The following CAPN1 variants were observed in gnomAD, a reference collection of about 807,000 sequenced individuals.
CAPN1 encodes calpain-1 catalytic subunit.
CAPN1 carries 77 observed loss-of-function variants against 105.2 expected under a neutral mutation model. The observed-to-expected ratio is 0.73, with a 90% CI of 0.61 to 0.88. The LOEUF (loss-of-function observed/expected upper bound fraction) is 0.88. Ranked by LOEUF, CAPN1 falls within the 40% of genes least tolerant of loss-of-function variation. CAPN1 has a pLI of 0.00. For missense variants in CAPN1, 833 were observed against 976.6 expected, an observed-to-expected ratio of 0.85 and a Z score of 1.96; for synonymous variants, 355 against 388.8, an observed-to-expected ratio of 0.91 and a Z score of 1.02.
At chr11:65,196,698 T>G (rs369865855) in intron 10 of CAPN1, among the ~76,000 whole-genome samples, 87 of 152,328 alleles carry the variant, frequency 5.7e-4, no homozygotes, top group African/African-American at 1.6e-3. Flanking sequence ...TAATTTCTCA[T>G]TACCATTATC....
At chr11:65,207,912 T>C in intron 14 of CAPN1, 143 bp from the exon 15 acceptor site, 1 of 462,302 alleles carries the variant, frequency 2.2e-6, no homozygotes, top group Non-Finnish European at 3.7e-6. Flanking sequence ...AAACTCCATC[T>C]CAAAAAGAAA....
At chr11:65,194,128 AT>A (rs543647420) in intron 10 of CAPN1, among the ~76,000 whole-genome samples, 102 of 145,746 alleles carry the variant, frequency 7.0e-4, no homozygotes, top group Middle Eastern at 7.0e-3. Flanking sequence ...TGCCCAACTA[AT>A]TTTTTTTTTT....
Position 65,188,045 on chromosome 11 carries a change from G to A in CAPN1, c.929+5G>A. On this transcript the variant is annotated splice_donor_5th_base_variant and intron_variant, in intron 8 of 21. Transcript: ENST00000279247. The surrounding 1 kb of genome is among the most constrained non-coding windows in gnomAD (Gnocchi z 5.5). Reference sequence around the variant, plus strand: ...GACGGGAGCCTGGAGCGACAGGTGAGGGGCAGTGGGCACTGTCTGGAGTGC... The same window carrying A: ...GACGGGAGCCTGGAGCGACAGGTGAAGGGCAGTGGGCACTGTCTGGAGTGC... 6.5e-7 allele frequency: 1 copy of A among 1,549,412 alleles called. No individual in the cohort carries two copies. The highest frequency in any genetic ancestry group is 8.7e-7 in the Non-Finnish European group (1 of 1,144,956).
chr11:65,188,403 G>T lies in CAPN1; in HGVS notation c.930-11G>T. Reference sequence around the variant, plus strand: ...TGCCCACCAGCCCTGGCAGAGCCCTGCTCCTCACAGCTCCTCAGAGTGGAA... The same window carrying T: ...TGCCCACCAGCCCTGGCAGAGCCCTTCTCCTCACAGCTCCTCAGAGTGGAA... On this transcript the variant is annotated splice_polypyrimidine_tract_variant and intron_variant, in intron 8 of 21. Coordinates refer to ENST00000279247, the MANE Select transcript of CAPN1 (RefSeq NM_005186.4). The surrounding 1 kb of genome is among the most constrained non-coding windows in gnomAD (Gnocchi z 5.5). The T allele has an allele frequency of 6.2e-7, 1 of 1,606,066 alleles. No individual in the cohort carries two copies. Among genetic ancestry groups the T allele is most frequent in the South Asian group, 1.1e-5 (1 of 89,612 alleles).
chr11:65,210,740 G>A lies in CAPN1; in HGVS notation c.2060-74G>A, dbSNP rs1183576231. 4.1e-6 allele frequency: 5 copies of A among 1,216,618 alleles called. No homozygotes were observed. The highest frequency in any genetic ancestry group is 6.1e-6 in the Non-Finnish European group (5 of 818,012). 75.4% of individuals were successfully genotyped at this position (1,216,618 alleles called of 1,614,324 possible). ...GAGGTAGAGAGGGACCAGGCAGGAA[G>A]GGGGCCAGGCCTGGCCCTGCGTGAA... is the stretch of plus-strand genomic sequence containing the variant. On this transcript the variant is annotated intron_variant, in intron 20 of 21. Transcript: ENST00000279247. This position sits in a 1 kb window ranked among gnomAD's most constrained non-coding sequence, Gnocchi z 4.3.
chr11:65,195,120 T>G (rs1333998318), intron 10 of CAPN1, among the ~76,000 whole-genome samples: 13 of 147,854 alleles, frequency 8.8e-5, no homozygotes, highest in Non-Finnish European at 1.6e-4. Context: ...TTTTTTTTTT[T>G]TTTTTTTGAG....
chr11:65,210,273 C>G lies in CAPN1; in HGVS notation c.1943-63C>G. ...CCAGCCCCCTCCTGGGGACCCAACCCCTCCCCCATCCTGTTGGGCAGGGGC... is the reference window on the plus strand; with the variant it reads ...CCAGCCCCCTCCTGGGGACCCAACCGCTCCCCCATCCTGTTGGGCAGGGGC... On this transcript the variant is annotated intron_variant, in intron 19 of 21. Transcript: ENST00000279247. The surrounding 1 kb of genome is among the most constrained non-coding windows in gnomAD (Gnocchi z 4.3). 7.7e-7 allele frequency: 1 copy of G among 1,298,184 alleles called. No individual in the cohort carries two copies. The highest frequency in any genetic ancestry group is 1.1e-6 in the Non-Finnish European group (1 of 906,844). 80.4% of individuals were successfully genotyped at this position (1,298,184 alleles called of 1,614,324 possible).
chr11:65,186,538 C>T (rs1416314554), intron 6 of CAPN1, among the ~76,000 whole-genome samples, 200 bp downstream of exon 6: 7 of 152,072 alleles, frequency 4.6e-5, no homozygotes, highest in Non-Finnish European at 7.4e-5. Flanking sequence ...ACCCACTCCT[C>T]CCCCAAAACT....
chr11:65,182,988 G>T lies in CAPN1; in HGVS notation c.267+20G>T. ...CCCACGGTGAGAGGGGCCATCCTGG[G>T]TGGGACTCGGCTAAGCCAGATCCTG... is the stretch of plus-strand genomic sequence containing the variant. On this transcript the variant is annotated intron_variant, in intron 2 of 21. Transcript: ENST00000279247. The T allele has an allele frequency of 2.5e-6, 4 of 1,612,984 alleles. No homozygotes were observed. Among genetic ancestry groups the T allele is most frequent in the Non-Finnish European group, 3.4e-6 (4 of 1,179,468 alleles).
At chr11:65,196,822 G>A (rs1379471780) in intron 10 of CAPN1, among the ~76,000 whole-genome samples, 1 of 152,094 alleles carries the variant, frequency 6.6e-6, no homozygotes, top group Non-Finnish European at 1.5e-5. Flanking sequence ...TCATAGCTTT[G>A]AAGTGAACAG....
At position 65,205,695 on chromosome 11, in the gene CAPN1, G is replaced by C. The variant is rs376150592; in HGVS notation, c.1342-15G>C. On this transcript the variant is annotated splice_polypyrimidine_tract_variant and intron_variant, in intron 11 of 21. Transcript: ENST00000279247. ...CAAACACACATCTCTGACTTCCCCT[G>C]TCTCTCTATTGCAGGTCCCTCCGGA... 541 of 1,613,364 alleles carry C rather than the reference G, an allele frequency of 3.4e-4. No homozygotes were observed. The highest frequency in any genetic ancestry group is 1.8e-3 in the Middle Eastern group (11 of 6,078).
At position 65,210,896 on chromosome 11, in the gene CAPN1, G is replaced by T; in HGVS notation, c.2118+24G>T. Reference sequence around the variant, plus strand: ...AGGTGGGAACCTCCCTGGGCCCATGGTTGGGGAAGAGTTCCAGGCGATCGA... The same window carrying T: ...AGGTGGGAACCTCCCTGGGCCCATGTTTGGGGAAGAGTTCCAGGCGATCGA... On this transcript the variant is annotated intron_variant, in intron 21 of 21. Transcript: ENST00000279247. The surrounding 1 kb of genome is among the most constrained non-coding windows in gnomAD (Gnocchi z 4.3). 1 of 1,589,494 alleles carries T rather than the reference G, an allele frequency of 6.3e-7. No individual in the cohort carries two copies. The highest frequency in any genetic ancestry group is 1.1e-5 in the South Asian group (1 of 90,562).
At chr11:65,190,940 A>G (rs1948711753) in intron 10 of CAPN1, among the ~76,000 whole-genome samples, 2 of 151,998 alleles carry the variant, frequency 1.3e-5, no homozygotes, top group Admixed American at 1.3e-4. Flanking sequence ...TTCAAACTCA[A>G]GTGATCCACC....
rs372452064 is a variant in CAPN1 at position 65,210,301 on chromosome 11, C to T, written c.1943-35C>T. 284 of 1,466,280 alleles carry T rather than the reference C, an allele frequency of 1.9e-4. No homozygotes were observed. The highest frequency in any genetic ancestry group is 6.9e-4 in the Middle Eastern group (4 of 5,764). 90.8% of individuals were successfully genotyped at this position (1,466,280 alleles called of 1,614,324 possible). A position where few individuals can be genotyped will look rare whatever the true frequency, so the allele number is the denominator to read the frequency against. ...CCCCCATCCTGTTGGGCAGGGGCTG[C>T]GCCTCACTGACCTTCACTCACTCTC... is the stretch of plus-strand genomic sequence containing the variant. On this transcript the variant is annotated intron_variant, in intron 19 of 21. Coordinates refer to ENST00000279247, the MANE Select transcript of CAPN1 (RefSeq NM_005186.4). This position sits in a 1 kb window ranked among gnomAD's most constrained non-coding sequence, Gnocchi z 4.3.
At chr11:65,206,732 C>G (rs969081973) in intron 13 of CAPN1, 48 bp from the exon 14 acceptor site, 6 of 1,611,250 alleles carry the variant, frequency 3.7e-6, no homozygotes, top group Middle Eastern at 1.7e-4. Context: ...CTCTCAGGCC[C>G]TCTGCTGTCC....
intron 10 of CAPN1, among the ~76,000 whole-genome samples, chr11:65,199,631 T>G (rs1948839381): frequency 6.6e-6 from 1 of 152,214 alleles, no homozygotes; most frequent in South Asian, 2.1e-4. Context: ...TGTCTCTGGA[T>G]TGCATTCTGG....
intron 10 of CAPN1, among the ~76,000 whole-genome samples, chr11:65,193,307 T>C (rs901471043): frequency 6.6e-6 from 1 of 152,050 alleles, no homozygotes; most frequent in Non-Finnish European, 1.5e-5. Flanking sequence ...ATGTCTCGTG[T>C]ATAATAATGT....
At chr11:65,198,866 G>C (rs902045998) in intron 10 of CAPN1, among the ~76,000 whole-genome samples, 1 of 152,102 alleles carries the variant, frequency 6.6e-6, no homozygotes, top group African/African-American at 2.4e-5. Flanking sequence ...ACGGAGTCGC[G>C]CTCTGTCGCC....
intron 4 of CAPN1, among the ~76,000 whole-genome samples, chr11:65,184,297 A>G (rs1948599068): frequency 6.6e-6 from 1 of 152,040 alleles, no homozygotes; most frequent in African/African-American, 2.4e-5. Flanking sequence ...CAGGGTGCGG[A>G]ACCCACAGTG....
Sources: allele counts gnomAD v4.1 joint callset (sites outside exome capture counted in the v4.1 genomes callset), GRCh38; gene constraint gnomAD v4.1.1; non-coding constraint Gnocchi (gnomAD v3.1); transcripts MANE v1.5; gene names NCBI Gene and HGNC (gene_info 2026-07-23, HGNC 2026-07-21).